The following SLCO5A1 variants were observed in gnomAD, a reference collection of about 807,000 sequenced individuals.
SLCO5A1 encodes organic anion transporter polypeptide-related protein 4.
Under a neutral mutation model 65.1 loss-of-function variants are expected in SLCO5A1, and 39 were observed. That is an observed-to-expected ratio of 0.60 (90% CI 0.46 to 0.78). SLCO5A1 has a LOEUF of 0.78. Among genes scored for constraint, SLCO5A1 ranks in the 30% least tolerant of loss-of-function variants. SLCO5A1 has a pLI of 0.00. For missense variants in SLCO5A1, 1,029 were observed against 1,069.4 expected (o/e 0.96, Z 0.53); for synonymous variants, 438 against 415.7 (o/e 1.05, Z -0.65).
At chr8:69,779,063 C>T (rs1317446297) in intron 2 of SLCO5A1, among the ~76,000 whole-genome samples, 2 of 152,066 alleles carry the variant, frequency 1.3e-5, no homozygotes, top group East Asian at 1.9e-4. Flanking sequence ...CAGAGTTGAG[C>T]GACTGCAACA....
chr8:69,746,915 A>G (rs1267572437), intron 4 of SLCO5A1, among the ~76,000 whole-genome samples: 1 of 152,092 alleles, frequency 6.6e-6, no homozygotes, highest in Non-Finnish European at 1.5e-5. Flanking sequence ...AACCAATCCC[A>G]AGTTGGTAGC....
intron 3 of SLCO5A1, among the ~76,000 whole-genome samples, chr8:69,758,626 C>G (rs1030132712): frequency 2.6e-5 from 4 of 151,808 alleles, no homozygotes; most frequent in Non-Finnish European, 5.9e-5. Flanking sequence ...AGCAAATAAA[C>G]AAAAAAATAC....
rs766920679 is a variant in SLCO5A1 at position 69,679,367 on chromosome 8, G to A, written c.2024+11C>T. The A allele has an allele frequency of 1.9e-6, 3 of 1,613,956 alleles. No homozygotes were observed. Among genetic ancestry groups the A allele is most frequent in the African/African-American group, 1.3e-5 (1 of 74,922 alleles). On this transcript the variant is annotated intron_variant, in intron 8 of 9. Coordinates refer to ENST00000260126, the MANE Select transcript of SLCO5A1 (RefSeq NM_030958.3). ...ACAGAACCCACCCCAGAAGTTGAAT[G>A]CTGTTCTCACCTGAGTGTTACTATG...
At chr8:69,767,882 T>C (rs1586777304) in intron 2 of SLCO5A1, among the ~76,000 whole-genome samples, 2 of 96,020 alleles carry the variant, frequency 2.1e-5, no homozygotes, top group Admixed American at 1.5e-4. Flanking sequence ...AGAATGAGAC[T>C]CCATCTCAAA....
intron 3 of SLCO5A1, among the ~76,000 whole-genome samples, chr8:69,757,390 C>T (rs1563704768): frequency 6.6e-6 from 1 of 152,102 alleles, no homozygotes; most frequent in Admixed American, 6.5e-5. Flanking sequence ...TACGGTGGCT[C>T]ATGCCTGTAA....
intron 1 of SLCO5A1, chr8:69,834,163 C>G (rs1821309160): frequency 1.3e-5 from 2 of 154,442 alleles, no homozygotes; most frequent in African/African-American, 4.8e-5. Flanking sequence ...GATCCCGCAC[C>G]CAGCTTGAAT....
intron 5 of SLCO5A1, chr8:69,714,832 C>G (rs1489976189): frequency 3.9e-5 from 6 of 152,278 alleles, no homozygotes; most frequent in Admixed American, 2.0e-4. Context: ...CTTTCTTCAA[C>G]TCTTTACCAA....
At chr8:69,808,722 T>C (rs555578086) in intron 2 of SLCO5A1, among the ~76,000 whole-genome samples, 1 of 152,328 alleles carries the variant, frequency 6.6e-6, no homozygotes, top group East Asian at 1.9e-4. Flanking sequence ...TTTCTGTCTT[T>C]AAGTCTTTAA....
At chr8:69,696,653 G>A (rs1289960608) in intron 6 of SLCO5A1, among the ~76,000 whole-genome samples, 2 of 152,186 alleles carry the variant, frequency 1.3e-5, no homozygotes, top group Non-Finnish European at 2.9e-5. Context: ...TGTATTTGAG[G>A]TAGAGGGAGA....
chr8:69,784,541 A>G (rs1818927600), intron 2 of SLCO5A1, among the ~76,000 whole-genome samples: 1 of 152,110 alleles, frequency 6.6e-6, no homozygotes, highest in Admixed American at 6.6e-5. Context: ...TAATCCCAGC[A>G]CTTTCGGAGG....
intron 8 of SLCO5A1, among the ~76,000 whole-genome samples, chr8:69,679,033 C>G (rs964448531): frequency 6.6e-6 from 1 of 152,174 alleles, no homozygotes; most frequent in Non-Finnish European, 1.5e-5. Context: ...CTCTGGGGTC[C>G]AGCTTCTCAC....
intron 2 of SLCO5A1, among the ~76,000 whole-genome samples, chr8:69,824,751 G>C (rs1820796207): frequency 6.6e-6 from 1 of 152,192 alleles, no homozygotes; most frequent in South Asian, 2.1e-4. Context: ...AATAGAAAAA[G>C]AGGGAATCCT....
chr8:69,722,446 C>T (rs1021818298), intron 5 of SLCO5A1, among the ~76,000 whole-genome samples: 3 of 152,020 alleles, frequency 2.0e-5, no homozygotes, highest in African/African-American at 7.2e-5. Flanking sequence ...TACTTCAAGT[C>T]TTGAAGTACT....
At chr8:69,750,059 G>A (rs1817223401) in intron 4 of SLCO5A1, among the ~76,000 whole-genome samples, 1 of 152,214 alleles carries the variant, frequency 6.6e-6, no homozygotes, top group East Asian at 1.9e-4. Context: ...GCCCAGTGGG[G>A]CTGAAGCAGA....
chr8:69,818,091 C>A (rs1436851230), intron 2 of SLCO5A1, among the ~76,000 whole-genome samples: 1 of 152,210 alleles, frequency 6.6e-6, no homozygotes, highest in Non-Finnish European at 1.5e-5. Flanking sequence ...CACATCATTT[C>A]TCTCACTGAA....
At chr8:69,744,098 T>G (rs1332729032) in intron 4 of SLCO5A1, among the ~76,000 whole-genome samples, 1 of 152,212 alleles carries the variant, frequency 6.6e-6, no homozygotes, top group African/African-American at 2.4e-5. Context: ...TGGCTGGAAC[T>G]GGCTTCTGCT....
At chr8:69,773,601 C>A (rs1039257898) in intron 2 of SLCO5A1, among the ~76,000 whole-genome samples, 6 of 152,220 alleles carry the variant, frequency 3.9e-5, no homozygotes, top group African/African-American at 1.2e-4. Context: ...TGTTTTGGGG[C>A]AGAATTCAGT....
intron 4 of SLCO5A1, among the ~76,000 whole-genome samples, chr8:69,750,027 C>T (rs948966597): frequency 6.6e-6 from 1 of 152,202 alleles, no homozygotes; most frequent in Non-Finnish European, 1.5e-5. Context: ...GACTCTCTGG[C>T]ACGTTTGAGG....
intron 4 of SLCO5A1, among the ~76,000 whole-genome samples, chr8:69,743,697 A>G (rs1202769090): frequency 6.6e-6 from 1 of 152,182 alleles, no homozygotes; most frequent in Admixed American, 6.5e-5. Context: ...CTTATACAGA[A>G]GCTGCAAGGT....
Sources: gnomAD v4.1 joint callset for allele counts (sites outside exome capture counted in the v4.1 genomes callset) on GRCh38, gnomAD v4.1.1 for gene constraint, MANE v1.5 for transcripts, NCBI Gene and HGNC (gene_info 2026-07-23, HGNC 2026-07-21) for gene names.